Variants in PIM1 observed in about 807,000 individuals in gnomAD.
The protein encoded by PIM1 is serine/threonine-protein kinase pim-1.
Under a neutral mutation model 34.5 loss-of-function variants are expected in PIM1, and 9 were observed. The ratio of observed to expected loss-of-function variants is 0.26; its 90% confidence interval spans 0.16 to 0.46. The LOEUF is 0.46. PIM1 is among the 20% of genes least tolerant of loss of function. The probability of loss-of-function intolerance (pLI) is 1.00; values close to 1 mark genes in which losing one functional copy is unlikely to be tolerated. For synonymous variants in PIM1, 199 were observed against 175.2 expected (o/e 1.14, Z -1.07); for missense variants, 274 against 410.9 (o/e 0.67, Z 2.88).
chr6:37,171,092 T>C, intron 3 of PIM1, 33 bp from the exon 4 acceptor site: 1 of 1,613,650 alleles, frequency 6.2e-7, no homozygotes, highest in Non-Finnish European at 8.5e-7. Flanking sequence ...CGCCCCCGAC[T>C]CCCGCCCTAA....
chr6:37,170,819 A>G lies in PIM1; in HGVS notation c.129A>G (p.Leu43=). The part of the protein sequence containing the change: ...PLESQYQVGP[L]LGSGGFGSVY... ...AGTCGCAGTACCAGGTGGGCCCGCT[A>G]CTGGGCAGCGGCGGCTTCGGCTCGG... The change falls in exon 2 of 6, where the codon CTA becomes CTG. Residue 43 remains leucine, a synonymous_variant. Transcript: ENST00000373509. 1 of 1,612,978 alleles carries G rather than the reference A, an allele frequency of 6.2e-7. No homozygotes were observed. The highest frequency in any genetic ancestry group is 8.5e-7 in the Non-Finnish European group (1 of 1,179,656).
In PIM1 at chr6:37,172,989, C is replaced by T. The variant is rs1307861020; in HGVS notation, c.608-7C>T. The stretch of plus-strand genomic sequence containing the variant: ...TGTGTTTTCTCTTCTATTCCCTTGG[C>T]TCACAGGGACCCGAGTGTATAGCCC... On this transcript the variant is annotated splice_region_variant and splice_polypyrimidine_tract_variant and intron_variant, in intron 4 of 5. Transcript: ENST00000373509. 1 of 1,613,606 alleles carries T rather than the reference C, an allele frequency of 6.2e-7. No homozygotes were observed. Among genetic ancestry groups the T allele is most frequent in the Non-Finnish European group, 8.5e-7 (1 of 1,179,714 alleles).
intron 4 of PIM1, among the ~76,000 whole-genome samples, chr6:37,171,720 T>C (rs996248870): frequency 1.3e-5 from 2 of 152,232 alleles, no homozygotes; most frequent in Non-Finnish European, 2.9e-5. Flanking sequence ...CAAGTGGAAT[T>C]CAGTTAGTTC....
In PIM1 at chr6:37,170,164, G is replaced by C. The variant is rs908462989; in HGVS notation, c.-412G>C. ...GCTCCTCCCCTTTACTCCTGGCTGC[G>C]GGGCGAGCCGGGCGTCTGCTGCAGC... On this transcript the variant is annotated 5_prime_UTR_variant, in exon 1 of 6. Coordinates refer to ENST00000373509, the MANE Select transcript of PIM1 (RefSeq NM_002648.4). 3.6e-5 allele frequency: 34 copies of C among 935,322 alleles called. No individual in the cohort carries two copies. The highest frequency in any genetic ancestry group is 2.3e-4 in the South Asian group (8 of 34,340). 57.9% of individuals were successfully genotyped at this position (935,322 alleles called of 1,614,324 possible).
At chr6:37,172,458 C>G (rs770693108) in intron 4 of PIM1, 3 of 390,098 alleles carry the variant, frequency 7.7e-6, no homozygotes, top group Non-Finnish European at 1.5e-5. Context: ...GTCTACCTTT[C>G]CAGTCTAGGG....
In PIM1 at chr6:37,170,325, C is replaced by A; in HGVS notation, c.-251C>A. On this transcript the variant is annotated 5_prime_UTR_variant, in exon 1 of 6. Coordinates refer to ENST00000373509, the MANE Select transcript of PIM1 (RefSeq NM_002648.4). ...GCGCTGCCGCACGAGCCCCACGAGC[C>A]GCTCACCCCGCCGTTCTCAGCGCTG... 6.8e-7 allele frequency: 1 copy of A among 1,481,442 alleles called. No homozygotes were observed. The highest frequency in any genetic ancestry group is 8.9e-7 in the Non-Finnish European group (1 of 1,120,520). 91.8% of individuals were successfully genotyped at this position (1,481,442 alleles called of 1,614,324 possible). A position where few individuals can be genotyped will look rare whatever the true frequency, so the allele number is the denominator to read the frequency against.
intron 2 of PIM1, 44 bp from the exon 3 acceptor site, chr6:37,170,937 T>C (rs747817463): frequency 3.7e-6 from 6 of 1,613,532 alleles, no homozygotes; most frequent in Admixed American, 3.3e-5. Flanking sequence ...ACGGGCGTGC[T>C]TTAGCCCGGA....
chr6:37,172,645 C>G, intron 4 of PIM1: 1 of 488,450 alleles, frequency 2.0e-6, no homozygotes, highest in Non-Finnish European at 4.0e-6. Flanking sequence ...CTATGAGATA[C>G]CTTTCTTGGT....
rs1480578487 is a variant in PIM1, at chr6:37,170,253, AGC to A, written c.-322_-321del. On this transcript the variant is annotated 5_prime_UTR_variant, in exon 1 of 6. Transcript: ENST00000373509. ...CAGCGGCGGCGGCGGGACCGGCAGC[AGC>A]AGCAGCAGCAGCAGCAGCAGCAACC... 2.0e-5 allele frequency: 15 copies of A among 732,308 alleles called. No homozygotes were observed. The African/African-American group carries it at 2.3e-4, about 11-fold the overall frequency. 45.4% of individuals were successfully genotyped at this position (732,308 alleles called of 1,614,324 possible).
At chr6:37,171,618 C>A in intron 4 of PIM1, 127 bp downstream of exon 4, 1 of 1,166,700 alleles carries the variant, frequency 8.6e-7, no homozygotes, top group South Asian at 1.6e-5. Flanking sequence ...CGATGCTAGC[C>A]GGGGTGGGAC....
chr6:37,174,070 G>C lies in PIM1; in HGVS notation c.921G>C (p.Leu307=), dbSNP rs747823256. The change falls in exon 6 of 6, where the codon CTG becomes CTC. Residue 307 remains leucine, a synonymous_variant. Transcript: ENST00000373509. ...CTGCTGAGATCCACCTCCACAGCCT[G>C]TCGCCGGGGCCCAGCAAATAGCAGC... is the stretch of plus-strand genomic sequence containing the variant. ...QETAEIHLHS[L]SPGPSK 1.9e-6 allele frequency: 3 copies of C among 1,613,540 alleles called. No homozygotes were observed. The African/African-American group carries it at 4.0e-5, about 22-fold the overall frequency.
chr6:37,170,271 AG>A lies in PIM1; in HGVS notation c.-304del. 1 of 1,351,906 alleles carries A rather than the reference AG, an allele frequency of 7.4e-7. No individual in the cohort carries two copies. The highest frequency in any genetic ancestry group is 9.5e-7 in the Non-Finnish European group (1 of 1,050,198). 83.7% of individuals were successfully genotyped at this position (1,351,906 alleles called of 1,614,324 possible). Reference sequence around the variant, plus strand: ...CGGCAGCAGCAGCAGCAGCAGCAGCAGCAGCAACCACTAGCCTCCTGCCCCG... The same window carrying A: ...CGGCAGCAGCAGCAGCAGCAGCAGCACAGCAACCACTAGCCTCCTGCCCCG... On this transcript the variant is annotated 5_prime_UTR_variant, in exon 1 of 6. Transcript: ENST00000373509.
Position 37,173,943 on chromosome 6 carries a change from A to T in PIM1, c.794A>T (p.His265Leu). The T allele has an allele frequency of 6.2e-7, 1 of 1,611,824 alleles. No homozygotes were observed. The highest frequency in any genetic ancestry group is 1.3e-5 in the African/African-American group (1 of 74,932). ...ATCCTCCTTTCTGCAGAATGTCAGC[A>T]TCTCATTAGATGGTGCTTGGCCCTG... ...FRQRVSSECQ[H>L]LIRWCLALRP... Residue 265 changes from histidine (H) to leucine (L), a missense_variant, in exon 6 of 6, where the codon CAT (histidine) becomes CTT (leucine). Around this residue, in one of 2 missense-constraint regions of PIM1, gnomAD observed 168 missense variants for 299.4 expected, o/e 0.56. Transcript: ENST00000373509.
At chr6:37,172,776 G>A (rs1441341172) in intron 4 of PIM1, 2 of 672,818 alleles carry the variant, frequency 3.0e-6, no homozygotes, top group Non-Finnish European at 5.5e-6. Flanking sequence ...TTCAGTTTAT[G>A]GTTTGGGCTA....
In PIM1 at chr6:37,170,229, A is replaced by G. The variant is rs1762242373; in HGVS notation, c.-347A>G. ...AGGAGGCCCGAGAGGAGTCGGTGGC[A>G]GCGGCGGCGGCGGGACCGGCAGCAG... On this transcript the variant is annotated 5_prime_UTR_variant, in exon 1 of 6. Transcript: ENST00000373509. 6 of 1,253,248 alleles carry G rather than the reference A, an allele frequency of 4.8e-6. No individual in the cohort carries two copies. Among genetic ancestry groups the G allele is most frequent in the Non-Finnish European group, 6.0e-6 (6 of 992,662 alleles). The allele number at this position is 1,253,248 out of a possible 1,614,324, so 77.6% of individuals were successfully genotyped here.
At chr6:37,172,197 C>T (rs143638662) in intron 4 of PIM1, among the ~76,000 whole-genome samples, 87 of 152,216 alleles carry the variant, frequency 5.7e-4, no homozygotes, top group African/African-American at 2.1e-3. Context: ...GCGGCTTAAC[C>T]TAACAAACGA....
At chr6:37,170,735 GGGCC>G in intron 1 of PIM1, 34 bp from the exon 2 acceptor site, 2 of 1,605,426 alleles carry the variant, frequency 1.2e-6, no homozygotes, top group Non-Finnish European at 8.5e-7. Context: ...GGCGGCTCGC[GGGCC>G]GGCACTGAGT....
In PIM1 at chr6:37,174,080, C is replaced by A. The variant is rs36084391; in HGVS notation, c.931C>A (p.Pro311Thr). The A allele has an allele frequency of 3.1e-3, 4,985 of 1,612,776 alleles. 86 individuals carry two copies. In the African/African-American group the frequency reaches 0.049, roughly 16 times the overall value. Residue 311 changes from proline to threonine, a missense_variant, in exon 6 of 6, where the codon CCC becomes ACC. Around this residue, in one of 2 missense-constraint regions of PIM1, gnomAD observed 168 missense variants for 299.4 expected, o/e 0.56. Transcript: ENST00000373509. ...EIHLHSLSPG[P>T]SK ...CCACCTCCACAGCCTGTCGCCGGGG[C>A]CCAGCAAATAGCAGCCTTTCTGGCA...
chr6:37,175,350 A>G lies in PIM1; in HGVS notation c.*1259A>G, dbSNP rs1368718200. On this transcript the variant is annotated 3_prime_UTR_variant, in exon 6 of 6. Transcript: ENST00000373509. ...AGCCTGCTGGTTTTATCTGAGTGAA[A>G]TACTGTACAGGGGAATAAAAGAGAT... The G allele has an allele frequency of 1.7e-5, 4 of 233,362 alleles. No individual in the cohort carries two copies. The highest frequency in any genetic ancestry group is 8.8e-5 in the African/African-American group (4 of 45,398). 14.5% of individuals were successfully genotyped at this position (233,362 alleles called of 1,614,324 possible). A position where few individuals can be genotyped will look rare whatever the true frequency, so the allele number is the denominator to read the frequency against.
Sources: allele counts gnomAD v4.1 joint callset (sites outside exome capture counted in the v4.1 genomes callset), GRCh38; gene constraint gnomAD v4.1.1; regional missense constraint gnomAD v4.1.1; transcripts MANE v1.5; gene names NCBI Gene and HGNC (gene_info 2026-07-23, HGNC 2026-07-21).